The following TPD52L1 variants were observed in gnomAD, a reference collection of about 807,000 sequenced individuals.
TPD52L1 encodes the protein TPD52 like 1.
TPD52L1 carries 18 observed loss-of-function variants against 28.7 expected under a neutral mutation model. The observed-to-expected ratio is 0.63, with a 90% CI of 0.43 to 0.93. The LOEUF (loss-of-function observed/expected upper bound fraction) is 0.93, where lower values mean the gene tolerates loss of function less well. Among genes scored for constraint, TPD52L1 ranks in the 40% least tolerant of loss-of-function variants. TPD52L1 has a pLI of 0.00. For synonymous variants in TPD52L1, 75 were observed against 88.8 expected, an observed-to-expected ratio of 0.84 and a Z score of 0.88; for missense variants, 203 against 254.8, an observed-to-expected ratio of 0.80 and a Z score of 1.39.
intron 2 of TPD52L1, among the ~76,000 whole-genome samples, chr6:125,221,582 C>T (rs1446956252): frequency 6.6e-6 from 1 of 152,180 alleles, no homozygotes; most frequent in South Asian, 2.1e-4. Context: ...GGTATACATA[C>T]ATACATATAC....
chr6:125,153,963 G>A lies in TPD52L1; in HGVS notation c.12G>A (p.Gln4=), dbSNP rs760628419. Residue 4 remains glutamine, a synonymous_variant, in exon 1 of 7, where the codon CAG becomes CAA. Transcript: ENST00000534000. MEA[Q]AQGLLETEPL... is the part of the protein sequence containing the mutation. ...CGAAGTCAGCCACCATGGAGGCGCA[G>A]GCACAAGGTGAGTGGTCGCCGATCG... 6.2e-7 allele frequency: 1 copy of A among 1,607,928 alleles called. No individual in the cohort carries two copies. The highest frequency in any genetic ancestry group is 1.3e-5 in the African/African-American group (1 of 74,990).
At chr6:125,204,142 T>C (rs1793963529) in intron 1 of TPD52L1, among the ~76,000 whole-genome samples, 1 of 152,222 alleles carries the variant, frequency 6.6e-6, no homozygotes, top group East Asian at 1.9e-4. Context: ...CTGATTCATC[T>C]TGATCTTTTT....
At chr6:125,262,522 G>C (rs1291887367) in intron 6 of TPD52L1, 1 of 215,490 alleles carries the variant, frequency 4.6e-6, no homozygotes, top group Non-Finnish European at 9.3e-6. Context: ...CTCTGGGTGA[G>C]TGGAGATAGC....
At chr6:125,219,168 G>A (rs1330309546) in intron 1 of TPD52L1, among the ~76,000 whole-genome samples, 1 of 152,204 alleles carries the variant, frequency 6.6e-6, no homozygotes, top group Non-Finnish European at 1.5e-5. Flanking sequence ...CATAGATGAA[G>A]TTTCTCTCTG....
chr6:125,171,778 C>A (rs540463769), intron 1 of TPD52L1, among the ~76,000 whole-genome samples: 1 of 152,262 alleles, frequency 6.6e-6, no homozygotes, highest in African/African-American at 2.4e-5. Context: ...GGCAGAGGAC[C>A]CAGCTAAGCT....
intron 6 of TPD52L1, 44 bp from the exon 7 acceptor site, chr6:125,262,790 G>C: frequency 1.3e-6 from 2 of 1,559,758 alleles, no homozygotes; most frequent in East Asian, 4.5e-5. Context: ...TTACAAAAAT[G>C]ATAGTAACAA....
intron 1 of TPD52L1, among the ~76,000 whole-genome samples, chr6:125,188,630 A>T (rs986512782): frequency 3.9e-5 from 6 of 152,306 alleles, no homozygotes; most frequent in South Asian, 4.1e-4. Flanking sequence ...TGCATTCCAA[A>T]CAATTCCTAC....
intron 1 of TPD52L1, chr6:125,203,787 C>T (rs900651527): frequency 1.0e-6 from 1 of 985,428 alleles, no homozygotes; most frequent in Non-Finnish European, 1.2e-6. Context: ...TGTAAGGAAC[C>T]TAAGTTTCTG....
At chr6:125,248,525 T>A (rs965552599) in intron 4 of TPD52L1, 142 bp downstream of exon 4, 1 of 632,682 alleles carries the variant, frequency 1.6e-6, no homozygotes, top group East Asian at 2.8e-5. Context: ...ATATGATTGA[T>A]GACTAAGATA....
At chr6:125,173,592 T>C (rs1464598186) in intron 1 of TPD52L1, among the ~76,000 whole-genome samples, 1 of 152,206 alleles carries the variant, frequency 6.6e-6, no homozygotes, top group Non-Finnish European at 1.5e-5. Context: ...TTGGAGATCC[T>C]GCCCAGCTCG....
At chr6:125,218,487 T>C (rs949343484) in intron 1 of TPD52L1, among the ~76,000 whole-genome samples, 3 of 152,214 alleles carry the variant, frequency 2.0e-5, no homozygotes, top group Admixed American at 6.5e-5. Flanking sequence ...GAATTCTGTA[T>C]ATATCGGGAA....
chr6:125,199,567 C>A (rs1217320803), intron 1 of TPD52L1, among the ~76,000 whole-genome samples: 1 of 152,156 alleles, frequency 6.6e-6, no homozygotes, highest in African/African-American at 2.4e-5. Flanking sequence ...TGCCTGTAAT[C>A]CCAGCTACTT....
At chr6:125,192,909 C>G (rs1793153827) in intron 1 of TPD52L1, among the ~76,000 whole-genome samples, 1 of 152,182 alleles carries the variant, frequency 6.6e-6, no homozygotes, top group South Asian at 2.1e-4. Context: ...TCCATGTCCT[C>G]CATGGCAAAC....
At chr6:125,259,302 A>G (rs1209353731) in intron 6 of TPD52L1, among the ~76,000 whole-genome samples, 1 of 152,224 alleles carries the variant, frequency 6.6e-6, no homozygotes, top group African/African-American at 2.4e-5. Flanking sequence ...AGGTTCTGCT[A>G]TAAAGGTCCA....
At chr6:125,177,065 A>G (rs1350224741) in intron 1 of TPD52L1, among the ~76,000 whole-genome samples, 1 of 152,110 alleles carries the variant, frequency 6.6e-6, no homozygotes, top group East Asian at 1.9e-4. Flanking sequence ...TGTAAAAATG[A>G]AAAAAGAATC....
chr6:125,180,492 T>C (rs1193553708), intron 1 of TPD52L1, among the ~76,000 whole-genome samples: 1 of 152,008 alleles, frequency 6.6e-6, no homozygotes, highest in African/African-American at 2.4e-5. Context: ...CTGACACATA[T>C]AAGAATTTGC....
chr6:125,218,742 G>GT (rs1228939523), intron 1 of TPD52L1, among the ~76,000 whole-genome samples: 1 of 152,132 alleles, frequency 6.6e-6, no homozygotes, highest in African/African-American at 2.4e-5. Flanking sequence ...TGTCCAATGT[G>GT]TTTTTTCTAT....
At chr6:125,222,568 C>G (rs1040847980) in intron 2 of TPD52L1, among the ~76,000 whole-genome samples, 7 of 152,202 alleles carry the variant, frequency 4.6e-5, no homozygotes, top group African/African-American at 1.7e-4. Flanking sequence ...TCCTTCCTCT[C>G]CCTACTTTCC....
At chr6:125,229,047 C>A in intron 2 of TPD52L1, 71 bp from the exon 3 acceptor site, 1 of 1,535,884 alleles carries the variant, frequency 6.5e-7, no homozygotes, top group South Asian at 1.3e-5. Flanking sequence ...TTTGGAATAC[C>A]CAGAGCTTCT....
Sources: gnomAD v4.1 joint callset for allele counts (sites outside exome capture counted in the v4.1 genomes callset) on GRCh38, gnomAD v4.1.1 for gene constraint, MANE v1.5 for transcripts, NCBI Gene and HGNC (gene_info 2026-07-23, HGNC 2026-07-21) for gene names.